RAB6B: variants seen among roughly 807,000 people sequenced by gnomAD.
RAB6B encodes the protein ras-related protein Rab-6B.
A neutral mutation model predicts 31.2 loss-of-function variants in RAB6B; 7 were observed. That is an observed-to-expected ratio of 0.22 (90% CI 0.13 to 0.42). The LOEUF (loss-of-function observed/expected upper bound fraction) is 0.42, where lower values mean the gene tolerates loss of function less well. Among genes scored for constraint, RAB6B ranks in the 10% least tolerant of loss-of-function variants. The pLI, the probability that RAB6B is intolerant of heterozygous loss-of-function variation, is 1.00. For missense variants in RAB6B, 149 were observed against 280.6 expected, an observed-to-expected ratio of 0.53 and a Z score of 3.35; for synonymous variants, 105 against 104.9, an observed-to-expected ratio of 1.00 and a Z score of -0.01.
intron 1 of RAB6B, among the ~76,000 whole-genome samples, chr3:133,866,483 T>C (rs1936238788): frequency 6.6e-6 from 1 of 152,188 alleles, no homozygotes. Context: ...AAGTGAATTG[T>C]AGGGTACCAG....
chr3:133,871,406 G>A (rs1398579591), intron 1 of RAB6B, among the ~76,000 whole-genome samples: 3 of 152,346 alleles, frequency 2.0e-5, no homozygotes, highest in South Asian at 2.1e-4. Context: ...CAACATTCCC[G>A]GGGAAGGGAC....
chr3:133,864,714 G>T, intron 1 of RAB6B, 72 bp from the exon 2 acceptor site: 1 of 1,429,476 alleles, frequency 7.0e-7, no homozygotes, highest in Non-Finnish European at 9.9e-7. Flanking sequence ...CACTGCATTT[G>T]AAGAAAAGAT....
intron 2 of RAB6B, among the ~76,000 whole-genome samples, chr3:133,844,472 G>A (rs2107993112): frequency 6.6e-6 from 1 of 152,340 alleles, no homozygotes; most frequent in South Asian, 2.1e-4. Flanking sequence ...CAAAGCATAG[G>A]CATTGTCTCT....
At chr3:133,874,148 T>A (rs180844065) in intron 1 of RAB6B, among the ~76,000 whole-genome samples, 1 of 152,310 alleles carries the variant, frequency 6.6e-6, no homozygotes, top group Non-Finnish European at 1.5e-5. Flanking sequence ...CTGAAAAATA[T>A]CTACCTTTAA....
At chr3:133,891,603 G>A (rs1936638604) in intron 1 of RAB6B, among the ~76,000 whole-genome samples, 1 of 152,074 alleles carries the variant, frequency 6.6e-6, no homozygotes, top group Non-Finnish European at 1.5e-5. Flanking sequence ...TGGACTATAA[G>A]TTCCAGGAGG....
Position 133,895,514 on chromosome 3 carries a change from G to A in RAB6B, c.-48C>T. ...AGAGGAGGAGGAGGAAAAAGCGAAG[G>A]AGCAGGGAGGGGAGAGTAGGAGGGC... On this transcript the variant is annotated 5_prime_UTR_variant, in exon 1 of 8. Coordinates refer to ENST00000285208, the MANE Select transcript of RAB6B (RefSeq NM_016577.4). The A allele has an allele frequency of 2.5e-6, 4 of 1,591,740 alleles. No homozygotes were observed. Among genetic ancestry groups the A allele is most frequent in the Non-Finnish European group, 3.4e-6 (4 of 1,162,078 alleles).
chr3:133,895,701 T>G lies in RAB6B; in HGVS notation c.-235A>C. On this transcript the variant is annotated 5_prime_UTR_variant, in exon 1 of 8. Coordinates refer to ENST00000285208, the MANE Select transcript of RAB6B (RefSeq NM_016577.4). ...AGGCGGAGGAAGGCTGGGGCTGGGC[T>G]GCTGCGGTCGGCACTGGCTGCGGTG... 1 of 551,352 alleles carries G rather than the reference T, an allele frequency of 1.8e-6. No homozygotes were observed. The highest frequency in any genetic ancestry group is 3.2e-6 in the Non-Finnish European group (1 of 315,730). The allele number at this position is 551,352 out of a possible 1,614,324, so 34.2% of individuals were successfully genotyped here.
chr3:133,868,268 T>C (rs1024694598), intron 1 of RAB6B, among the ~76,000 whole-genome samples: 4 of 152,236 alleles, frequency 2.6e-5, no homozygotes, highest in Non-Finnish European at 4.4e-5. Context: ...ACACTGCATC[T>C]ACCTGGCTAC....
In RAB6B at chr3:133,831,209, T is replaced by C. The variant is rs191837763; in HGVS notation, c.563-2357A>G. Among the ~76,000 whole-genome samples, 96 of 152,366 alleles carry C rather than the reference T, an allele frequency of 6.3e-4. 1 individual carries two copies. The highest frequency in any genetic ancestry group is 2.2e-3 in the African/African-American group (93 of 41,598). The stretch of plus-strand genomic sequence containing the variant: ...GTTAAAAATACGTCTCACTGGGTCC[T>C]ACCTTGGTAGATGTGGGGATGGGCC... On this transcript the variant is annotated intron_variant, in intron 7 of 7. Coordinates refer to ENST00000285208, the MANE Select transcript of RAB6B (RefSeq NM_016577.4).
At chr3:133,868,624 CT>C (rs1236706431) in intron 1 of RAB6B, among the ~76,000 whole-genome samples, 1 of 152,200 alleles carries the variant, frequency 6.6e-6, no homozygotes, top group Non-Finnish European at 1.5e-5. Flanking sequence ...CATTATTGAG[CT>C]TTTTTATTTT....
Position 133,828,824 on chromosome 3 carries a change from C to G in RAB6B, c.591G>C (p.Gln197His). The change falls in exon 8 of 8, where the codon CAG becomes CAC. Residue 197 changes from glutamine (Q) to histidine (H), a missense_variant. Coordinates refer to ENST00000285208, the MANE Select transcript of RAB6B (RefSeq NM_016577.4). ...GMIDIKLDKP[Q>H]EPPASEGGCS... ...AGCCGCCCTCGCTGGCCGGGGGCTC[C>G]TGGGGTTTGTCCAGCTTGATGTCGA... is the stretch of plus-strand genomic sequence containing the variant. The G allele has an allele frequency of 6.2e-7, 1 of 1,613,394 alleles. No individual in the cohort carries two copies. The highest frequency in any genetic ancestry group is 8.5e-7 in the Non-Finnish European group (1 of 1,179,674).
Position 133,828,246 on chromosome 3 carries a change from T to C in RAB6B, c.*542A>G, listed in dbSNP as rs986165465. 3 of 504,266 alleles carry C rather than the reference T, an allele frequency of 5.9e-6. No homozygotes were observed. In the South Asian group the frequency reaches 7.3e-5, roughly 12 times the overall value. 31.2% of individuals were successfully genotyped at this position (504,266 alleles called of 1,614,324 possible). On this transcript the variant is annotated 3_prime_UTR_variant, in exon 8 of 8. Coordinates refer to ENST00000285208, the MANE Select transcript of RAB6B (RefSeq NM_016577.4). ...AGAGGCTGATGTGTTCAACCAATGT[T>C]TGATTTAACTGGAGTAGGGCCTAGA...
intron 4 of RAB6B, 78 bp downstream of exon 4, chr3:133,841,203 TGCAC>T: frequency 1.6e-6 from 2 of 1,261,078 alleles, no homozygotes; most frequent in Admixed American, 3.5e-5. Flanking sequence ...TGCACACACA[TGCAC>T]ACAGGCCTGG....
rs1023856639 is a variant in RAB6B at position 133,833,566 on chromosome 3, C to T, written c.562+1009G>A. The stretch of plus-strand genomic sequence containing the variant: ...GACTCCTGGTGTCCTGCCCGCCCTG[C>T]CCCAGCAGCTCCATGAGGCCTCCAA... On this transcript the variant is annotated intron_variant, in intron 7 of 7. Coordinates refer to ENST00000285208, the MANE Select transcript of RAB6B (RefSeq NM_016577.4). 1.1e-4 allele frequency among the ~76,000 whole-genome samples: 16 copies of T among 152,310 alleles called. No homozygotes were observed. In the East Asian group the frequency reaches 2.7e-3, roughly 26 times the overall value.
chr3:133,864,508 C>A, intron 2 of RAB6B, 76 bp downstream of exon 2: 1 of 1,477,140 alleles, frequency 6.8e-7, no homozygotes, highest in South Asian at 1.1e-5. Flanking sequence ...ATTCCACTCC[C>A]ACCCCAGCTC....
At chr3:133,882,258 T>A (rs1936478042) in intron 1 of RAB6B, among the ~76,000 whole-genome samples, 1 of 152,200 alleles carries the variant, frequency 6.6e-6, no homozygotes, top group Non-Finnish European at 1.5e-5. Flanking sequence ...AGAAACATAA[T>A]CATGGGAGGG....
Position 133,864,752 on chromosome 3 carries a change from G to T in RAB6B, c.71-110C>A, listed in dbSNP as rs1412010014. 22 of 1,084,698 alleles carry T rather than the reference G, an allele frequency of 2.0e-5. No individual in the cohort carries two copies. In the South Asian group the frequency reaches 2.7e-4, roughly 13 times the overall value. The allele number at this position is 1,084,698 out of a possible 1,614,324, so 67.2% of individuals were successfully genotyped here. ...CAAAACCAAAAAGCACAGGGGAAAG[G>T]CCGAGTTGCAGAAATACAGAAGTGG... On this transcript the variant is annotated intron_variant, in intron 1 of 7. Coordinates refer to ENST00000285208, the MANE Select transcript of RAB6B (RefSeq NM_016577.4).
Position 133,895,657 on chromosome 3 carries a change from G to A in RAB6B, c.-191C>T, listed in dbSNP as rs953899112. 80 of 607,440 alleles carry A rather than the reference G, an allele frequency of 1.3e-4. No homozygotes were observed. The African/African-American group carries it at 1.3e-3, about 10-fold the overall frequency. The allele number at this position is 607,440 out of a possible 1,614,324, so 37.6% of individuals were successfully genotyped here. A position where few individuals can be genotyped will look rare whatever the true frequency, so the allele number is the denominator to read the frequency against. On this transcript the variant is annotated 5_prime_UTR_variant, in exon 1 of 8. Transcript: ENST00000285208. ...GGCTGCGTGTCCGGCGGCGGAGGAG[G>A]AGGAGGAGAGAGAGGCGGAGGCGGA...
chr3:133,840,015 C>T (rs1037745951), intron 4 of RAB6B, among the ~76,000 whole-genome samples: 6 of 151,964 alleles, frequency 3.9e-5, no homozygotes, highest in Non-Finnish European at 7.4e-5. Flanking sequence ...CATGCGCGCG[C>T]GACTTGGCAA....
Sources: allele counts gnomAD v4.1 joint callset (sites outside exome capture counted in the v4.1 genomes callset), GRCh38; gene constraint gnomAD v4.1.1; transcripts MANE v1.5; gene names NCBI Gene and HGNC (gene_info 2026-07-23, HGNC 2026-07-21).